KIAA0586: variants seen among roughly 807,000 people sequenced by gnomAD.
KIAA0586 encodes KIAA0586.
In KIAA0586, 144 loss-of-function variants were observed where a neutral mutation model predicts 169.8. That is an observed-to-expected ratio of 0.85 (90% CI 0.74 to 0.97). KIAA0586 has a LOEUF of 0.97. KIAA0586 is among the 50% of genes least tolerant of loss of function. KIAA0586 has a pLI of 0.00. For missense variants in KIAA0586, 1,854 were observed against 1,823.0 expected (o/e 1.02, Z -0.31); for synonymous variants, 625 against 612.4 (o/e 1.02, Z -0.30).
At chr14:58,461,537 T>C (rs1748981) in intron 14 of KIAA0586, among the ~76,000 whole-genome samples, 149,824 of 152,180 alleles carry the variant, frequency 0.98, 73,793 homozygotes, top group East Asian at 1. Context: ...TGGGCTCAAG[T>C]GATCCTCCCC....
chr14:58,453,224 GCTATAAATTGAGTAGATAAT>G lies in KIAA0586; in HGVS notation c.1130-124_1130-105del, dbSNP rs1351264211. The G allele has an allele frequency of 6.0e-6, 3 of 501,874 alleles. No homozygotes were observed. In the African/African-American group the frequency reaches 6.3e-5, roughly 10 times the overall value. The allele number at this position is 501,874 out of a possible 1,614,324, so 31.1% of individuals were successfully genotyped here. A position where few individuals can be genotyped will look rare whatever the true frequency, so the allele number is the denominator to read the frequency against. On this transcript the variant is annotated intron_variant, in intron 8 of 30. Coordinates refer to ENST00000652326, the MANE Select transcript of KIAA0586 (RefSeq NM_001329943.3). ...ATGAGCCACTGCGCCTGGCTTTTAG[GCTATAAATTGAGTAGATAAT>G]CATCATAAGAAGCTAACTTAGGCCA...
chr14:58,465,014 T>C (rs1230834845), intron 14 of KIAA0586, among the ~76,000 whole-genome samples: 2 of 152,018 alleles, frequency 1.3e-5, no homozygotes, highest in Non-Finnish European at 1.5e-5. Context: ...AGAGGTTGCA[T>C]TGAGCTAAGA....
At chr14:58,547,166 A>AG (rs1425812486) in intron 30 of KIAA0586, among the ~76,000 whole-genome samples, 47 of 152,046 alleles carry the variant, frequency 3.1e-4, no homozygotes, top group Non-Finnish European at 5.2e-4. Flanking sequence ...AAAAAAAAAA[A>AG]AAAAAGTTCT....
At chr14:58,510,554 A>G (rs2044317631) in intron 28 of KIAA0586, among the ~76,000 whole-genome samples, 1 of 152,138 alleles carries the variant, frequency 6.6e-6, no homozygotes, top group African/African-American at 2.4e-5. Flanking sequence ...AAACGATCCA[A>G]CCCCTATGGA....
At chr14:58,489,590 T>G (rs184046459) in intron 24 of KIAA0586, among the ~76,000 whole-genome samples, 42 of 152,272 alleles carry the variant, frequency 2.8e-4, no homozygotes, top group Admixed American at 5.9e-4. Context: ...CATATTTTTC[T>G]TATTTTTCTT....
chr14:58,444,964 G>A (rs946840376), intron 6 of KIAA0586, among the ~76,000 whole-genome samples: 10 of 147,440 alleles, frequency 6.8e-5, no homozygotes, highest in African/African-American at 2.0e-4. Flanking sequence ...ATGGTGGCAT[G>A]TGCCTGTAGT....
chr14:58,434,974 A>T (rs79383193), intron 4 of KIAA0586, among the ~76,000 whole-genome samples: 1 of 151,644 alleles, frequency 6.6e-6, no homozygotes, highest in Non-Finnish European at 1.5e-5. Context: ...CTTTTTGTAG[A>T]TATAGGGTCT....
chr14:58,534,546 G>T (rs367867999), intron 29 of KIAA0586, among the ~76,000 whole-genome samples: 1 of 152,090 alleles, frequency 6.6e-6, no homozygotes, highest in East Asian at 1.9e-4. Flanking sequence ...GCTGATTGTC[G>T]TAGAGCACGA....
intron 16 of KIAA0586, 42 bp downstream of exon 16, chr14:58,467,964 A>C (rs749963453): frequency 6.9e-7 from 1 of 1,455,146 alleles, no homozygotes; most frequent in African/African-American, 1.4e-5. Context: ...AGGAAGAAAA[A>C]ATTTTTTTGC....
chr14:58,499,704 G>A (rs985572986), intron 27 of KIAA0586, among the ~76,000 whole-genome samples: 1 of 151,734 alleles, frequency 6.6e-6, no homozygotes, highest in East Asian at 1.9e-4. Context: ...GATTACAGGC[G>A]CCTGCCACCA....
intron 18 of KIAA0586, among the ~76,000 whole-genome samples, chr14:58,472,700 G>A (rs1170773787): frequency 1.3e-5 from 2 of 151,730 alleles, no homozygotes; most frequent in African/African-American, 4.8e-5. Flanking sequence ...GGAAGGAAGA[G>A]TTATAGAAAT....
intron 4 of KIAA0586, among the ~76,000 whole-genome samples, chr14:58,432,743 T>C (rs1473243885): frequency 6.6e-6 from 1 of 152,180 alleles, no homozygotes; most frequent in Non-Finnish European, 1.5e-5. Flanking sequence ...TATTTAGAGA[T>C]GGAGTCTCGC....
intron 4 of KIAA0586, among the ~76,000 whole-genome samples, chr14:58,436,665 T>C (rs1456632682): frequency 6.6e-6 from 1 of 152,224 alleles, no homozygotes; most frequent in Admixed American, 6.5e-5. Flanking sequence ...GTGTATACTG[T>C]ATGTATATAT....
In KIAA0586 at chr14:58,508,573, C is replaced by A; in HGVS notation, c.4187C>A (p.Ser1396Ter). The A allele has an allele frequency of 1.3e-6, 2 of 1,590,770 alleles. No individual in the cohort carries two copies. Among genetic ancestry groups the A allele is most frequent in the South Asian group, 2.3e-5 (2 of 87,112 alleles). Reference protein sequence around the residue: ...DTVSGSIYEDSCASHGPMSLG... With the variant: ...DTVSGSIYED ...ATAACAGGTAGTATTTATGAAGATT[C>A]ATGTGCTAGTCATGGTCCAATGAGT... The change falls in exon 28 of 31, where the codon TCA becomes TAA. Residue 1396 changes from serine to a stop codon, truncating the protein, a stop_gained. Transcript: ENST00000652326. LOFTEE classifies it high-confidence loss of function.
At chr14:58,509,022 A>T (rs1289839469) in intron 28 of KIAA0586, among the ~76,000 whole-genome samples, 1 of 152,260 alleles carries the variant, frequency 6.6e-6, no homozygotes, top group East Asian at 1.9e-4. Flanking sequence ...TGAGTCCAGG[A>T]GTTTCAGACC....
At position 58,492,263 on chromosome 14, in the gene KIAA0586, C is replaced by T; in HGVS notation, c.3978C>T (p.Val1326=). The change falls in exon 26 of 31, where the codon GTC becomes GTT. Residue 1326 remains valine, a synonymous_variant. Transcript: ENST00000652326. ...NQESAVSQQA[V]YHSEDLENSV... Reference sequence around the variant, plus strand: ...AGTCAGCAGTTTCCCAGCAAGCAGTCTATCATTCAGAGGTACTTTTTAACT... The same window carrying T: ...AGTCAGCAGTTTCCCAGCAAGCAGTTTATCATTCAGAGGTACTTTTTAACT... 1 of 1,549,436 alleles carries T rather than the reference C, an allele frequency of 6.5e-7. No individual in the cohort carries two copies. The highest frequency in any genetic ancestry group is 1.2e-5 in the South Asian group (1 of 83,152).
intron 21 of KIAA0586, among the ~76,000 whole-genome samples, chr14:58,483,919 C>T (rs1175212806): frequency 6.6e-6 from 1 of 151,910 alleles, no homozygotes; most frequent in Non-Finnish European, 1.5e-5. Flanking sequence ...ATTAGTGTGC[C>T]AAAGATTTGA....
intron 11 of KIAA0586, 102 bp from the exon 12 acceptor site, chr14:58,458,371 T>C: frequency 4.6e-6 from 3 of 658,316 alleles, no homozygotes; most frequent in Admixed American, 3.3e-5. Flanking sequence ...ATGAAAGATA[T>C]TAGGATAGCA....
At chr14:58,445,197 G>C (rs924045310) in intron 6 of KIAA0586, among the ~76,000 whole-genome samples, 2 of 151,886 alleles carry the variant, frequency 1.3e-5, no homozygotes, top group African/African-American at 4.8e-5. Flanking sequence ...GTGATTTTGA[G>C]CCAGCGATTC....
Sources: gnomAD v4.1 joint callset for allele counts (sites outside exome capture counted in the v4.1 genomes callset) on GRCh38, gnomAD v4.1.1 for gene constraint, MANE v1.5 for transcripts, NCBI Gene and HGNC (gene_info 2026-07-23, HGNC 2026-07-21) for gene names.